RGP1: variants seen among roughly 807,000 people sequenced by gnomAD.
RGP1 encodes RAB6A-GEF complex partner protein 2.
A neutral mutation model predicts 44.5 loss-of-function variants in RGP1; 28 were observed. The observed-to-expected ratio is 0.63, with a 90% CI of 0.47 to 0.86. RGP1 has a LOEUF of 0.86. Among genes scored for constraint, RGP1 ranks in the 40% least tolerant of loss-of-function variants. The pLI is 0.00. For missense variants in RGP1, 417 were observed against 490.7 expected, an observed-to-expected ratio of 0.85 and a Z score of 1.42; for synonymous variants, 212 against 196.7, an observed-to-expected ratio of 1.08 and a Z score of -0.65.
chr9:35,770,182 C>T, the RGP1 span, among the ~76,000 whole-genome samples: 3 of 152,214 alleles, frequency 2.0e-5, no homozygotes, highest in Non-Finnish European at 2.9e-5. Flanking sequence ...GGAGGTATGT[C>T]CAGCAAGGCT....
In RGP1 at chr9:35,752,722, G is replaced by A. The variant is rs1466390399; in HGVS notation, c.1024G>A (p.Val342Met). ...REPGLVLLPP[V>M]EQPEPTTWTG... ...ACCAGGATTGGTACTCCTACCCCCT[G>A]TGGAACAGCCCGAACCTACCACCTG... The change falls in exon 9 of 9, where the codon GTG becomes ATG. Residue 342 changes from valine (V) to methionine (M), a missense_variant. By Grantham distance (21) the Val-to-Met change is conservative. Coordinates refer to ENST00000378078, the MANE Select transcript of RGP1 (RefSeq NM_001080496.3). The A allele has an allele frequency of 9.3e-6, 15 of 1,613,560 alleles. No individual in the cohort carries two copies. The highest frequency in any genetic ancestry group is 1.2e-5 in the Non-Finnish European group (14 of 1,179,794).
rs762848121 is a variant in RGP1 at position 35,750,704 on chromosome 9, C to T, written c.300C>T (p.Phe100=). ...CILSTPPKIL[F]CDLRLDPGES... ...TTTCTACTCCACCGAAAATTCTATT[C>T]TGTGACCTGAGGCTTGATCCTGGAG... Residue 100 remains phenylalanine, a synonymous_variant, in exon 4 of 9, where the codon TTC becomes TTT. Transcript: ENST00000378078. 5.0e-6 allele frequency: 8 copies of T among 1,613,996 alleles called. No homozygotes were observed. The highest frequency in any genetic ancestry group is 5.9e-6 in the Non-Finnish European group (7 of 1,179,888).
At chr9:35,768,460 G>T in the RGP1 span, among the ~76,000 whole-genome samples, 1 of 152,192 alleles carries the variant, frequency 6.6e-6, no homozygotes, top group Non-Finnish European at 1.5e-5. Flanking sequence ...CAACAGGGAA[G>T]CCCTTGGCAC....
Position 35,758,575 on chromosome 9 carries a change from GA to G in RGP1, c.*5711del, listed in dbSNP as rs368982207. The stretch of plus-strand genomic sequence containing the variant: ...AACAAGCAAATCTGGGTCAATTAAT[GA>G]AAAAAAAAAGAAAAGAAAAGAAAAT... On this transcript the variant is annotated 3_prime_UTR_variant, in exon 9 of 9. Coordinates refer to ENST00000378078, the MANE Select transcript of RGP1 (RefSeq NM_001080496.3). 69 of 148,506 alleles carry G rather than the reference GA, an allele frequency of 4.6e-4. 3 individuals are homozygous for G. The Middle Eastern group carries it at 0.014, about 29-fold the overall frequency. The allele number at this position is 148,506 out of a possible 1,614,324, so 9.2% of individuals were successfully genotyped here.
At chr9:35,790,286 AC>A in the RGP1 span, 14 of 153,638 alleles carry the variant, frequency 9.1e-5, no homozygotes, top group African/African-American at 3.4e-4. Flanking sequence ...ATTGTTAGGG[AC>A]GGCCTGCTCT....
chr9:35,758,719 C>T (rs745646174), downstream of RGP1: 2 of 152,228 alleles, frequency 1.3e-5, no homozygotes, highest in Non-Finnish European at 2.9e-5. Flanking sequence ...GAGAGGAAAA[C>T]TTCACACCGA....
In RGP1 at chr9:35,751,709, G is replaced by C. The variant is rs767277273; in HGVS notation, c.717G>C (p.Val239=). The stretch of plus-strand genomic sequence containing the variant: ...CTGTGTACAGACTTGGCGAGGACGT[G>C]GTGGGGACCTTAAACTTAGGGGAAG... ...FKSVYRLGED[V]VGTLNLGEGT... is the part of the protein sequence containing the mutation. The change falls in exon 7 of 9, where the codon GTG becomes GTC. Residue 239 remains valine, a synonymous_variant. Coordinates refer to ENST00000378078, the MANE Select transcript of RGP1 (RefSeq NM_001080496.3). 12 of 1,613,828 alleles carry C rather than the reference G, an allele frequency of 7.4e-6. No homozygotes were observed. In the East Asian group the frequency reaches 8.9e-5, roughly 12 times the overall value.
chr9:35,781,251 G>A, the RGP1 span, among the ~76,000 whole-genome samples: 1 of 151,994 alleles, frequency 6.6e-6, no homozygotes, highest in Admixed American at 6.6e-5. Context: ...TGTGGCTGCA[G>A]AGGAGGCTGG....
At position 35,758,057 on chromosome 9, in the gene RGP1, T is replaced by C. The variant is rs1827384035; in HGVS notation, c.*5183T>C. On this transcript the variant is annotated 3_prime_UTR_variant, in exon 9 of 9. Transcript: ENST00000378078. ...TGCCATTTGCCCCTCACTGACTTGA[T>C]TGAATTCTTTGTGGCTGATGCCTCA... 1 of 152,264 alleles carries C rather than the reference T, an allele frequency of 6.6e-6. No individual in the cohort carries two copies. Among genetic ancestry groups the C allele is most frequent in the South Asian group, 2.1e-4 (1 of 4,836 alleles). The allele number at this position is 152,264 out of a possible 1,614,324, so 9.4% of individuals were successfully genotyped here. A position where few individuals can be genotyped will look rare whatever the true frequency, so the allele number is the denominator to read the frequency against.
the RGP1 span, among the ~76,000 whole-genome samples, chr9:35,774,056 T>C: frequency 1.3e-5 from 2 of 152,192 alleles, no homozygotes; most frequent in Non-Finnish European, 2.9e-5. Flanking sequence ...AAATGTGTAT[T>C]GGTGCACAAA....
chr9:35,779,419 T>C, the RGP1 span, among the ~76,000 whole-genome samples: 32 of 152,376 alleles, frequency 2.1e-4, no homozygotes, highest in African/African-American at 7.2e-4. Flanking sequence ...AGTGGATTTG[T>C]TCAGCTCCGC....
Position 35,750,368 on chromosome 9 carries a change from T to A in RGP1, c.242T>A (p.Leu81Gln), listed in dbSNP as rs1284846222. The A allele has an allele frequency of 6.2e-7, 1 of 1,613,954 alleles. No individual in the cohort carries two copies. Among genetic ancestry groups the A allele is most frequent in the South Asian group, 1.1e-5 (1 of 91,074 alleles). ...CAGCCCGACAGCCAGACTGTCTTTC[T>A]GCCACACCGAGGTTAGAGAGGGGCA... ...DVQPDSQTVF[L>Q]PHRGERGQCI... The change falls in exon 3 of 9, where the codon CTG (leucine) becomes CAG (glutamine). Residue 81 changes from leucine (L) to glutamine (Q), a missense_variant. By Grantham distance (113) the Leu-to-Gln change is moderately radical. Coordinates refer to ENST00000378078, the MANE Select transcript of RGP1 (RefSeq NM_001080496.3).
chr9:35,772,651 C>T, the RGP1 span, among the ~76,000 whole-genome samples: 1 of 151,914 alleles, frequency 6.6e-6, no homozygotes, highest in African/African-American at 2.4e-5. Flanking sequence ...ATTAGCCGGG[C>T]GTGGTGGCGG....
intron 2 of RGP1, 137 bp from the exon 3 acceptor site, chr9:35,750,106 C>T (rs1364758909): frequency 7.7e-7 from 1 of 1,299,214 alleles, no homozygotes; most frequent in African/African-American, 1.5e-5. Context: ...TTAATGGTTT[C>T]TCTTTGGGAT....
Position 35,755,536 on chromosome 9 carries a change from G to A in RGP1, c.*2662G>A, listed in dbSNP as rs992393142. The stretch of plus-strand genomic sequence containing the variant: ...AATTTTTCCACCAGTGGATGGAGGG[G>A]GATAGCAGCGGGGAGATGATTTTGG... On this transcript the variant is annotated 3_prime_UTR_variant, in exon 9 of 9. Transcript: ENST00000378078. 4 of 152,392 alleles carry A rather than the reference G, an allele frequency of 2.6e-5. No individual in the cohort carries two copies. Among genetic ancestry groups the A allele is most frequent in the Admixed American group, 2.0e-4 (3 of 15,306 alleles). 9.4% of individuals were successfully genotyped at this position (152,392 alleles called of 1,614,324 possible). A position where few individuals can be genotyped will look rare whatever the true frequency, so the allele number is the denominator to read the frequency against.
the RGP1 span, among the ~76,000 whole-genome samples, chr9:35,782,477 C>T: frequency 1.3e-5 from 2 of 152,174 alleles, no homozygotes; most frequent in Non-Finnish European, 1.5e-5. Context: ...GACGGAGTCT[C>T]GCTCTGTTGC....
chr9:35,771,200 T>C, the RGP1 span, among the ~76,000 whole-genome samples: 1 of 152,142 alleles, frequency 6.6e-6, no homozygotes. Flanking sequence ...ATATTTATAG[T>C]AACCCCTCTG....
chr9:35,756,525 T>G lies in RGP1; in HGVS notation c.*3651T>G, dbSNP rs1257842227. 1 of 152,888 alleles carries G rather than the reference T, an allele frequency of 6.5e-6. No individual in the cohort carries two copies. The highest frequency in any genetic ancestry group is 2.4e-5 in the African/African-American group (1 of 41,472). The allele number at this position is 152,888 out of a possible 1,614,324, so 9.5% of individuals were successfully genotyped here. A position where few individuals can be genotyped will look rare whatever the true frequency, so the allele number is the denominator to read the frequency against. On this transcript the variant is annotated 3_prime_UTR_variant, in exon 9 of 9. Transcript: ENST00000378078. Reference sequence around the variant, plus strand: ...TGAGGCAGGGTGCTCTGAGGTCGGCTGCGGTGTGGGAGGCACGGCCTGGGC... The same window carrying G: ...TGAGGCAGGGTGCTCTGAGGTCGGCGGCGGTGTGGGAGGCACGGCCTGGGC...
the RGP1 span, among the ~76,000 whole-genome samples, chr9:35,784,285 A>G: frequency 6.6e-6 from 1 of 152,050 alleles, no homozygotes; most frequent in Non-Finnish European, 1.5e-5. Context: ...TTTTAATTTG[A>G]TGCAATCCTG....
Sources: gnomAD v4.1 joint callset for allele counts (sites outside exome capture counted in the v4.1 genomes callset) on GRCh38, gnomAD v4.1.1 for gene constraint, MANE v1.5 for transcripts, NCBI Gene and HGNC (gene_info 2026-07-23, HGNC 2026-07-21) for gene names.